Variants in PSMC4 observed in about 807,000 individuals in gnomAD.
PSMC4 encodes the protein 26S proteasome regulatory subunit 6B.
Under a neutral mutation model 48.4 loss-of-function variants are expected in PSMC4, and 13 were observed. That is an observed-to-expected ratio of 0.27 (90% CI 0.18 to 0.43). PSMC4 has a LOEUF of 0.43. Ranked by LOEUF, PSMC4 falls within the 20% of genes least tolerant of loss-of-function variation. The pLI is 1.00. For synonymous variants in PSMC4, 202 were observed against 212.3 expected, an observed-to-expected ratio of 0.95 and a Z score of 0.42; for missense variants, 262 against 555.9, an observed-to-expected ratio of 0.47 and a Z score of 5.32.
At position 39,974,747 on chromosome 19, in the gene PSMC4, C is replaced by T. The variant is rs1394490377; in HGVS notation, c.592C>T (p.Pro198Ser). Residue 198 changes from proline (P) to serine (S), a missense_variant, in exon 6 of 11, where the codon CCC becomes TCC. Physicochemically the swap from Pro to Ser is moderately conservative, Grantham distance 74. Transcript: ENST00000157812. The surrounding 1 kb of genome is among the most constrained non-coding windows in gnomAD (Gnocchi z 5.5). ...FELYKQIGID[P>S]PRGVLMYGPP... ...CTCTGGGTTTCAGATCGGCATCGATCCCCCCCGAGGCGTCCTCATGTATGG... is the reference window on the plus strand; with the variant it reads ...CTCTGGGTTTCAGATCGGCATCGATTCCCCCCGAGGCGTCCTCATGTATGG... 1 of 1,613,666 alleles carries T rather than the reference C, an allele frequency of 6.2e-7. No homozygotes were observed. The highest frequency in any genetic ancestry group is 8.5e-7 in the Non-Finnish European group (1 of 1,179,698).
Position 39,981,358 on chromosome 19 carries a change from C to T in PSMC4, c.*53C>T, listed in dbSNP as rs1971285098. The stretch of plus-strand genomic sequence containing the variant: ...CAGGGGCTGGGGCTTCTCTCGCACC[C>T]CCAGCACCTCTGTCCCAAAACCTCA... On this transcript the variant is annotated 3_prime_UTR_variant, in exon 11 of 11. Coordinates refer to ENST00000157812, the MANE Select transcript of PSMC4 (RefSeq NM_006503.4). 2.3e-6 allele frequency: 3 copies of T among 1,308,486 alleles called. No homozygotes were observed. Among genetic ancestry groups the T allele is most frequent in the Non-Finnish European group, 3.3e-6 (3 of 902,856 alleles). The allele number at this position is 1,308,486 out of a possible 1,614,324, so 81.1% of individuals were successfully genotyped here.
chr19:39,977,964 G>T (rs755851112), intron 6 of PSMC4, among the ~76,000 whole-genome samples: 1 of 151,962 alleles, frequency 6.6e-6, no homozygotes, highest in South Asian at 2.1e-4. Flanking sequence ...GACTACAGGC[G>T]TGTGCCACCA....
chr19:39,972,025 G>A, intron 1 of PSMC4, 121 bp from the exon 2 acceptor site: 1 of 885,716 alleles, frequency 1.1e-6, no homozygotes. Context: ...AGATATCAGG[G>A]GTCTGTTAGG....
rs767242949 is a variant in PSMC4 at position 39,979,885 on chromosome 19, C to A, written c.742C>A (p.Arg248=). The change falls in exon 7 of 11, where the codon CGG becomes AGG. Residue 248 remains arginine (R), a synonymous_variant. Transcript: ENST00000157812. ...TCTGGGTGAGGGCCCCCGCATGGTC[C>A]GGGATGTGTTCCGCCTGGCCAAGGA... ...KYLGEGPRMV[R]DVFRLAKENA... 2 of 1,613,906 alleles carry A rather than the reference C, an allele frequency of 1.2e-6. No homozygotes were observed. The highest frequency in any genetic ancestry group is 2.7e-5 in the African/African-American group (2 of 74,872).
At chr19:39,976,443 A>G (rs937320471) in intron 6 of PSMC4, among the ~76,000 whole-genome samples, 1 of 149,434 alleles carries the variant, frequency 6.7e-6, no homozygotes, top group Non-Finnish European at 1.5e-5. Context: ...CGTGGCAGTA[A>G]ACAGAACACC....
chr19:39,981,420 T>A lies in PSMC4; in HGVS notation c.*115T>A. The A allele has an allele frequency of 1.4e-6, 1 of 707,736 alleles. No individual in the cohort carries two copies. The highest frequency in any genetic ancestry group is 2.5e-6 in the Non-Finnish European group (1 of 404,752). The allele number at this position is 707,736 out of a possible 1,614,324, so 43.8% of individuals were successfully genotyped here. A position where few individuals can be genotyped will look rare whatever the true frequency, so the allele number is the denominator to read the frequency against. On this transcript the variant is annotated 3_prime_UTR_variant, in exon 11 of 11. Coordinates refer to ENST00000157812, the MANE Select transcript of PSMC4 (RefSeq NM_006503.4). ...CTTTACCCAGGATTGGTTTCTTCAA[T>A]AAATAGATAAGATCGAATCCATTTA... is the stretch of plus-strand genomic sequence containing the variant.
In PSMC4 at chr19:39,980,045, G is replaced by A. The variant is rs1971263960; in HGVS notation, c.842-25G>A. 21 of 1,614,130 alleles carry A rather than the reference G, an allele frequency of 1.3e-5. No homozygotes were observed. The highest frequency in any genetic ancestry group is 1.8e-5 in the Non-Finnish European group (21 of 1,180,004). ...CAGGCTTGTCGCATGGGATGCCTGGGACTGACTGTGCTGTGCACTCTCAGC... is the reference window on the plus strand; with the variant it reads ...CAGGCTTGTCGCATGGGATGCCTGGAACTGACTGTGCTGTGCACTCTCAGC... On this transcript the variant is annotated intron_variant, in intron 7 of 10. Coordinates refer to ENST00000157812, the MANE Select transcript of PSMC4 (RefSeq NM_006503.4). This position sits in a 1 kb window ranked among gnomAD's most constrained non-coding sequence, Gnocchi z 4.8.
At position 39,974,435 on chromosome 19, in the gene PSMC4, C is replaced by T. The variant is rs1455313071; in HGVS notation, c.464C>T (p.Thr155Ile). The change falls in exon 4 of 11, where the codon ACC becomes ATC. Residue 155 changes from threonine to isoleucine, a missense_variant. Around this residue, in one of 4 missense-constraint regions of PSMC4, gnomAD observed 131 missense variants for 276.7 expected, o/e 0.47. Transcript: ENST00000157812. The surrounding 1 kb of genome is among the most constrained non-coding windows in gnomAD (Gnocchi z 5.5). ...GCCGACAGCAGCATCATGATGCTCA[C>T]CTCAGGTAAAGGGGGAGCCTGCAGC... ...PEADSSIMMLTSDQKPDVMYA... is the reference protein window; with the variant it reads ...PEADSSIMMLISDQKPDVMYA... 6.2e-7 allele frequency: 1 copy of T among 1,614,012 alleles called. No individual in the cohort carries two copies. The highest frequency in any genetic ancestry group is 8.5e-7 in the Non-Finnish European group (1 of 1,179,968).
chr19:39,974,394 C>G lies in PSMC4; in HGVS notation c.423C>G (p.Asp141Glu), dbSNP rs780617816. Residue 141 changes from aspartate (D) to glutamate (E), a missense_variant, in exon 4 of 11, where the codon GAC becomes GAG. Physicochemically the swap from Asp to Glu is conservative, Grantham distance 45. Around this residue, in one of 4 missense-constraint regions of PSMC4, gnomAD observed 131 missense variants for 276.7 expected, o/e 0.47. Transcript: ENST00000157812. This position sits in a 1 kb window ranked among gnomAD's most constrained non-coding sequence, Gnocchi z 5.5. ...ALHKHSNALV[D>E]VLPPEADSSI... ...ACAAGCACAGCAATGCACTGGTGGA[C>G]GTGCTGCCCCCCGAAGCCGACAGCA... 1.2e-6 allele frequency: 2 copies of G among 1,614,042 alleles called. No individual in the cohort carries two copies. The highest frequency in any genetic ancestry group is 8.5e-7 in the Non-Finnish European group (1 of 1,180,016).
chr19:39,981,383 A>C lies in PSMC4; in HGVS notation c.*78A>C. 38 of 1,013,218 alleles carry C rather than the reference A, an allele frequency of 3.8e-5. No homozygotes were observed. Among genetic ancestry groups the C allele is most frequent in the Non-Finnish European group, 5.1e-5 (33 of 645,418 alleles). 62.8% of individuals were successfully genotyped at this position (1,013,218 alleles called of 1,614,324 possible). ...CCCAGCACCTCTGTCCCAAAACCTC[A>C]TTCCCTTTTTTCTTTACCCAGGATT... is the stretch of plus-strand genomic sequence containing the variant. On this transcript the variant is annotated 3_prime_UTR_variant, in exon 11 of 11. Transcript: ENST00000157812.
chr19:39,980,857 G>C lies in PSMC4; in HGVS notation c.1143+140G>C, dbSNP rs1971277063. Reference sequence around the variant, plus strand: ...CTCTCTCTTCCTCTACCATCACTAGGGGTGGATAGTACAGGGGTAGTGTTT... The same window carrying C: ...CTCTCTCTTCCTCTACCATCACTAGCGGTGGATAGTACAGGGGTAGTGTTT... On this transcript the variant is annotated intron_variant, in intron 10 of 10. Transcript: ENST00000157812. This position sits in a 1 kb window ranked among gnomAD's most constrained non-coding sequence, Gnocchi z 4.8. 1.2e-6 allele frequency: 1 copy of C among 845,946 alleles called. No homozygotes were observed. The allele number at this position is 845,946 out of a possible 1,614,324, so 52.4% of individuals were successfully genotyped here. A position where few individuals can be genotyped will look rare whatever the true frequency, so the allele number is the denominator to read the frequency against.
Position 39,981,175 on chromosome 19 carries a change from C to T in PSMC4, c.1144-17C>T, listed in dbSNP as rs1277002889. The T allele has an allele frequency of 6.3e-7, 1 of 1,599,448 alleles. No individual in the cohort carries two copies. The highest frequency in any genetic ancestry group is 1.7e-5 in the Admixed American group (1 of 60,002). On this transcript the variant is annotated splice_polypyrimidine_tract_variant and intron_variant, in intron 10 of 10. Transcript: ENST00000157812. ...CCCTGCCACAGGAAGTAGATTTTAA[C>T]TCTCATCCTTCAACAGAGTGGAATG...
chr19:39,976,491 C>T (rs375634953), intron 6 of PSMC4, among the ~76,000 whole-genome samples: 11 of 148,850 alleles, frequency 7.4e-5, no homozygotes, highest in Non-Finnish European at 1.0e-4. Context: ...AAATGTGGCC[C>T]GACACAGATT....
At chr19:39,972,716 CAT>C (rs985808124) in intron 3 of PSMC4, among the ~76,000 whole-genome samples, 161 bp downstream of exon 3, 2 of 151,192 alleles carry the variant, frequency 1.3e-5, no homozygotes, top group Admixed American at 1.3e-4. Flanking sequence ...TATATATACA[CAT>C]ATATATATGT....
At chr19:39,975,520 CAT>C (rs1053334857) in intron 6 of PSMC4, among the ~76,000 whole-genome samples, 8 of 151,886 alleles carry the variant, frequency 5.3e-5, no homozygotes, top group East Asian at 1.9e-4. Context: ...GATCTTAACA[CAT>C]GTGAGCCAGG....
intron 6 of PSMC4, among the ~76,000 whole-genome samples, chr19:39,976,256 T>G (rs1175212215): frequency 1.5e-5 from 2 of 135,474 alleles, no homozygotes; most frequent in Non-Finnish European, 3.1e-5. Flanking sequence ...TATATATATA[T>G]ATATATATAT....
In PSMC4 at chr19:39,974,875, C is replaced by T. The variant is rs752584354; in HGVS notation, c.673+47C>T. ...CCGAGCTCTCATCTTCTGGCCTCTT[C>T]GCCTTGCTCCCTGCTCGCTCACTGG... On this transcript the variant is annotated intron_variant, in intron 6 of 10. Transcript: ENST00000157812. The surrounding 1 kb of genome is among the most constrained non-coding windows in gnomAD (Gnocchi z 5.5). 11 of 1,538,560 alleles carry T rather than the reference C, an allele frequency of 7.1e-6. No individual in the cohort carries two copies. The highest frequency in any genetic ancestry group is 2.3e-5 in the East Asian group (1 of 44,322).
rs994378295 is a variant in PSMC4, at chr19:39,980,567, G to A, written c.1088-95G>A. The A allele has an allele frequency of 1.5e-5, 24 of 1,583,344 alleles. No individual in the cohort carries two copies. The African/African-American group carries it at 3.2e-4, about 21-fold the overall frequency. ...ACTGTGCAGGTGGGACCAAGGTCCA[G>A]GGAGGAGGGGAGGTGACAGAGATGG... On this transcript the variant is annotated intron_variant, in intron 9 of 10. Transcript: ENST00000157812. This position sits in a 1 kb window ranked among gnomAD's most constrained non-coding sequence, Gnocchi z 4.8.
intron 6 of PSMC4, among the ~76,000 whole-genome samples, chr19:39,976,831 G>C (rs1971209038): frequency 7.0e-6 from 1 of 143,866 alleles, no homozygotes; most frequent in African/African-American, 2.6e-5. Flanking sequence ...TAAAACATGA[G>C]ATTTTTTGTG....
Sources: allele counts gnomAD v4.1 joint callset (sites outside exome capture counted in the v4.1 genomes callset), GRCh38; gene constraint gnomAD v4.1.1; regional missense constraint gnomAD v4.1.1; non-coding constraint Gnocchi (gnomAD v3.1); transcripts MANE v1.5; gene names NCBI Gene and HGNC (gene_info 2026-07-23, HGNC 2026-07-21).